Variants in GRB10 observed in about 807,000 individuals in gnomAD.
GRB10 encodes the protein growth factor receptor-bound protein 10.
In GRB10, 20 loss-of-function variants were observed where a neutral mutation model predicts 80.9. That is an observed-to-expected ratio of 0.25 (90% CI 0.17 to 0.36). GRB10 has a LOEUF of 0.36. GRB10 is among the 10% of genes least tolerant of loss of function. GRB10 has a pLI of 1.00. For missense variants in GRB10, 548 were observed against 747.7 expected, an observed-to-expected ratio of 0.73 and a Z score of 3.12; for synonymous variants, 291 against 291.5, an observed-to-expected ratio of 1.00 and a Z score of 0.02.
intron 7 of GRB10, among the ~76,000 whole-genome samples, chr7:50,644,786 C>T (rs2056896106): frequency 6.6e-6 from 1 of 152,236 alleles, no homozygotes; most frequent in Admixed American, 6.5e-5. Flanking sequence ...CAGGGCTGTC[C>T]TGTCTGCTAA....
chr7:50,640,988 A>T (rs1375985222), intron 7 of GRB10, among the ~76,000 whole-genome samples: 1 of 152,134 alleles, frequency 6.6e-6, no homozygotes, highest in Non-Finnish European at 1.5e-5. Flanking sequence ...TTCACGTGAC[A>T]CAGGCACAGC....
intron 15 of GRB10, chr7:50,605,077 CCAGGGGA>C: frequency 1.7e-6 from 1 of 589,048 alleles, no homozygotes; most frequent in Non-Finnish European, 3.0e-6. Flanking sequence ...CCATGAAAGC[CCAGGGGA>C]CAGGGGACAG....
chr7:50,728,069 C>T (rs1043476987), intron 4 of GRB10, among the ~76,000 whole-genome samples: 6 of 152,214 alleles, frequency 3.9e-5, no homozygotes, highest in African/African-American at 1.4e-4. Flanking sequence ...AATGTCCTAT[C>T]AGCTGGAACA....
At position 50,728,868 on chromosome 7, in the gene GRB10, C is replaced by T. The variant is rs1385120609; in HGVS notation, c.51+3404G>A. Among the ~76,000 whole-genome samples, 4 of 152,078 alleles carry T rather than the reference C, an allele frequency of 2.6e-5. No homozygotes were observed. The South Asian group carries it at 6.2e-4, about 24-fold the overall frequency. ...GTATTTTCAATAGAGACAGGGTATC[C>T]CCATGTTGGCCAAGCTGGTCTCGAA... On this transcript the variant is annotated intron_variant, in intron 4 of 18. Transcript: ENST00000401949.
upstream of GRB10, among the ~76,000 whole-genome samples, chr7:50,784,807 T>C (rs80076591): frequency 6.6e-6 from 1 of 152,310 alleles, no homozygotes; most frequent in East Asian, 1.9e-4. Context: ...AGATGAAGCC[T>C]GATGATATAC....
intron 3 of GRB10, among the ~76,000 whole-genome samples, chr7:50,746,303 T>C (rs943032001): frequency 1.1e-4 from 17 of 152,166 alleles, no homozygotes; most frequent in African/African-American, 4.1e-4. Context: ...CATTATTAGA[T>C]CAAAAATTAA....
intron 7 of GRB10, among the ~76,000 whole-genome samples, chr7:50,660,880 G>T (rs957102320): frequency 6.6e-6 from 1 of 152,156 alleles, no homozygotes; most frequent in African/African-American, 2.4e-5. Flanking sequence ...CCAACCCACT[G>T]CAGCCAGCAC....
chr7:50,709,811 T>C (rs954368252), intron 4 of GRB10, among the ~76,000 whole-genome samples: 2 of 151,976 alleles, frequency 1.3e-5, no homozygotes, highest in African/African-American at 4.8e-5. Context: ...GAGAACATGG[T>C]AGAAATGCAG....
rs2048276567 is a variant in GRB10, at chr7:50,604,979, CCA to C, written c.1389+309_1389+310del. ...CACTCAGGCCTGGGCTCTGTGCACTCCACAGACAGCCACTGCCAGTTCATCAG... is the reference window on the plus strand; with the variant it reads ...CACTCAGGCCTGGGCTCTGTGCACTCCAGACAGCCACTGCCAGTTCATCAG... On this transcript the variant is annotated intron_variant, in intron 15 of 18. Transcript: ENST00000401949. 11 of 395,954 alleles carry C rather than the reference CCA, an allele frequency of 2.8e-5. No homozygotes were observed. The South Asian group carries it at 3.2e-4, about 11-fold the overall frequency. The allele number at this position is 395,954 out of a possible 1,614,324, so 24.5% of individuals were successfully genotyped here.
chr7:50,759,579 G>A (rs979128310), intron 2 of GRB10, among the ~76,000 whole-genome samples: 1 of 152,184 alleles, frequency 6.6e-6, no homozygotes, highest in Non-Finnish European at 1.5e-5. Context: ...TGTTTATGCT[G>A]TATTGTTTTT....
intron 4 of GRB10, among the ~76,000 whole-genome samples, chr7:50,730,106 CAAGGTCAGAG>C (rs1277491557): frequency 6.6e-6 from 1 of 152,116 alleles, no homozygotes; most frequent in Non-Finnish European, 1.5e-5. Context: ...AGGATTTCTC[CAAGGTCAGAG>C]AATTATGATG....
chr7:50,693,425 C>A (rs1229339757), intron 5 of GRB10, among the ~76,000 whole-genome samples: 2 of 152,242 alleles, frequency 1.3e-5, no homozygotes, highest in South Asian at 4.1e-4. Flanking sequence ...ATTAAAGCTG[C>A]ATGCCTATAA....
intron 5 of GRB10, among the ~76,000 whole-genome samples, chr7:50,692,114 T>A (rs2062885438): frequency 1.3e-5 from 2 of 152,188 alleles, no homozygotes; most frequent in Non-Finnish European, 2.9e-5. Context: ...AACAACTATT[T>A]CCACAGCATT....
intron 5 of GRB10, among the ~76,000 whole-genome samples, chr7:50,681,044 G>C (rs1260538712): frequency 6.6e-6 from 1 of 152,112 alleles, no homozygotes; most frequent in Non-Finnish European, 1.5e-5. Context: ...TCTGTCCTCT[G>C]CTCTCCTTAA....
At chr7:50,732,209 T>G in intron 4 of GRB10, 63 bp downstream of exon 4, 1 of 1,505,792 alleles carries the variant, frequency 6.6e-7, no homozygotes, top group Non-Finnish European at 9.2e-7. Flanking sequence ...GCTGGCGACA[T>G]GTGTGCCCTG....
chr7:50,614,306 G>C (rs955490067), intron 12 of GRB10, among the ~76,000 whole-genome samples: 32 of 152,168 alleles, frequency 2.1e-4, no homozygotes, highest in African/African-American at 7.7e-4. Flanking sequence ...GTGCATGCCA[G>C]CACACACATG....
At chr7:50,755,849 G>A in intron 3 of GRB10, 38 bp downstream of exon 3, 1 of 398,688 alleles carries the variant, frequency 2.5e-6, no homozygotes, top group Non-Finnish European at 4.4e-6. Flanking sequence ...CTCCTGCAAA[G>A]AAAGGCACTA....
At chr7:50,735,174 C>A (rs1220900626) in intron 3 of GRB10, among the ~76,000 whole-genome samples, 4 of 151,976 alleles carry the variant, frequency 2.6e-5, no homozygotes, top group African/African-American at 9.7e-5. Flanking sequence ...AAGAACAATC[C>A]AATAGATAAT....
chr7:50,762,311 A>C (rs986504178), intron 2 of GRB10, among the ~76,000 whole-genome samples: 3 of 150,988 alleles, frequency 2.0e-5, no homozygotes, highest in African/African-American at 7.3e-5. Flanking sequence ...TTAAGAATAC[A>C]TACGAGATCC....
Sources: gnomAD v4.1 joint callset for allele counts (sites outside exome capture counted in the v4.1 genomes callset) on GRCh38, gnomAD v4.1.1 for gene constraint, MANE v1.5 for transcripts, NCBI Gene and HGNC (gene_info 2026-07-23, HGNC 2026-07-21) for gene names.